ANKFY1: variants seen among roughly 807,000 people sequenced by gnomAD.
ANKFY1 encodes ankyrin repeat and FYVE domain containing 1, also known as ankyrin repeat and FYVE domain-containing protein 1.
Under a neutral mutation model 128.3 loss-of-function variants are expected in ANKFY1, and 47 were observed. The observed-to-expected ratio is 0.37, with a 90% CI of 0.29 to 0.47. The LOEUF is 0.47. ANKFY1 is among the 20% of genes least tolerant of loss of function. ANKFY1 has a pLI of 1.00. For synonymous variants in ANKFY1, 553 were observed against 601.6 expected, an observed-to-expected ratio of 0.92 and a Z score of 1.18; for missense variants, 1,222 against 1,510.6, an observed-to-expected ratio of 0.81 and a Z score of 3.17.
In ANKFY1 at chr17:4,183,518, G is replaced by A. The variant is rs775302854; in HGVS notation, c.1832C>T (p.Ser611Phe). The A allele has an allele frequency of 1.9e-6, 3 of 1,612,804 alleles. No individual in the cohort carries two copies. The highest frequency in any genetic ancestry group is 1.7e-5 in the Admixed American group (1 of 60,026). The change falls in exon 14 of 25, where the codon TCT becomes TTT. Residue 611 changes from serine (S) to phenylalanine (F), a missense_variant. By Grantham distance (155) the Ser-to-Phe change is radical. Transcript: ENST00000341657. ...CATGGTGTCATTGATGGCGGCTCCA[G>A]AGCCCAGCAGCTGGGCTGCGATCGT... is the stretch of plus-strand genomic sequence containing the variant. ...MHTIAAQLLG[S>F]GAAINDTMSD...
chr17:4,173,974 G>A lies in ANKFY1; in HGVS notation c.2858C>T (p.Thr953Ile). The stretch of plus-strand genomic sequence containing the variant: ...ATTCTCTAGGAGGACTGAGCAGATG[G>A]TGGGCAGGTCCTGCTGGGCAGCAAG... ...LHLAAQQDLP[T>I]ICSVLLENGV... The change falls in exon 20 of 25, where the codon ACC (threonine) becomes ATC (isoleucine). Residue 953 changes from threonine (T) to isoleucine (I), a missense_variant. Transcript: ENST00000341657. 1 of 1,614,228 alleles carries A rather than the reference G, an allele frequency of 6.2e-7. No individual in the cohort carries two copies. Among genetic ancestry groups the A allele is most frequent in the Non-Finnish European group, 8.5e-7 (1 of 1,180,014 alleles).
intron 22 of ANKFY1, among the ~76,000 whole-genome samples, chr17:4,171,538 G>A (rs2143000074): frequency 6.6e-6 from 1 of 152,270 alleles, no homozygotes. Flanking sequence ...GGCCTATGAG[G>A]GAGAATGCAC....
At chr17:4,253,605 A>C (rs1407725811) in intron 1 of ANKFY1, among the ~76,000 whole-genome samples, 2 of 151,998 alleles carry the variant, frequency 1.3e-5, no homozygotes, top group African/African-American at 4.8e-5. Context: ...CATCGTTATT[A>C]ATCTTCCTAA....
chr17:4,195,857 A>G (rs2059808499), intron 8 of ANKFY1, among the ~76,000 whole-genome samples: 1 of 152,036 alleles, frequency 6.6e-6, no homozygotes, highest in Admixed American at 6.6e-5. Context: ...TTCTTCTCAA[A>G]CACACTCAGA....
chr17:4,184,794 T>C (rs1313674417), intron 12 of ANKFY1, 24 bp downstream of exon 12: 22 of 1,601,980 alleles, frequency 1.4e-5, no homozygotes, highest in Non-Finnish European at 1.9e-5. Flanking sequence ...GTCAAAAGGA[T>C]GGACAGTATT....
intron 7 of ANKFY1, 86 bp downstream of exon 7, chr17:4,206,235 T>C (rs909184253): frequency 2.1e-6 from 3 of 1,462,336 alleles, no homozygotes; most frequent in Non-Finnish European, 2.8e-6. Context: ...CCTTTGAGAA[T>C]TTTGGGAACA....
At chr17:4,249,497 T>C (rs1344394393) in intron 1 of ANKFY1, among the ~76,000 whole-genome samples, 3 of 152,222 alleles carry the variant, frequency 2.0e-5, no homozygotes, top group African/African-American at 7.2e-5. Context: ...TCGACAGGTC[T>C]CAGGTCAGAT....
intron 7 of ANKFY1, among the ~76,000 whole-genome samples, chr17:4,204,677 G>A (rs919264880): frequency 6.6e-6 from 1 of 151,882 alleles, no homozygotes; most frequent in African/African-American, 2.4e-5. Flanking sequence ...TTAACTCCCT[G>A]GGAGGAAAGA....
intron 1 of ANKFY1, among the ~76,000 whole-genome samples, chr17:4,260,645 C>T (rs77545001): frequency 2.1e-5 from 3 of 140,816 alleles, no homozygotes; most frequent in Non-Finnish European, 4.6e-5. Context: ...AAAAAAAACC[C>T]ACAAATGAAG....
rs769670421 is a variant in ANKFY1, at chr17:4,173,325, C to T, written c.3014+29G>A. 37 of 1,605,160 alleles carry T rather than the reference C, an allele frequency of 2.3e-5. No homozygotes were observed. In the East Asian group the frequency reaches 2.5e-4, roughly 11 times the overall value. On this transcript the variant is annotated intron_variant, in intron 21 of 24. Coordinates refer to ENST00000341657, the MANE Select transcript of ANKFY1 (RefSeq NM_001330063.2). ...GCTCTGAGCAGCAGGCCAGGCGCCG[C>T]GGGGCCTACTCGGGCCCAACGCGCT...
chr17:4,222,249 G>A (rs1408642175), intron 3 of ANKFY1: 9 of 447,394 alleles, frequency 2.0e-5, no homozygotes, highest in Non-Finnish European at 3.2e-5. Flanking sequence ...AGCTGCAGTC[G>A]GCGGCCGCGG....
At chr17:4,252,328 A>G (rs1391189087) in intron 1 of ANKFY1, among the ~76,000 whole-genome samples, 1 of 152,202 alleles carries the variant, frequency 6.6e-6, no homozygotes, top group Non-Finnish European at 1.5e-5. Context: ...AAAGTTTGGA[A>G]GGCTGAGGCG....
Position 4,197,535 on chromosome 17 carries a change from A to G in ANKFY1, c.941T>C (p.Phe314Ser). The change falls in exon 8 of 25, where the codon TTT (phenylalanine) becomes TCT (serine). Residue 314 changes from phenylalanine (F) to serine (S), a missense_variant. By Grantham distance (155) the Phe-to-Ser change is radical. Coordinates refer to ENST00000341657, the MANE Select transcript of ANKFY1 (RefSeq NM_001330063.2). ...GGCACCCAGTGTAGCAGCGTTGACA[A>G]AGGCCCCATTCTTAATGAGGAAAGT... ...AATFLIKNGA[F>S]VNAATLGAQE... The G allele has an allele frequency of 6.2e-7, 1 of 1,614,198 alleles. No homozygotes were observed. The highest frequency in any genetic ancestry group is 8.5e-7 in the Non-Finnish European group (1 of 1,180,034).
intron 1 of ANKFY1, among the ~76,000 whole-genome samples, chr17:4,253,889 C>T (rs190874113): frequency 1.7e-4 from 26 of 152,294 alleles, no homozygotes; most frequent in Non-Finnish European, 3.5e-4. Context: ...CCATAAGATA[C>T]TAATATCCTA....
chr17:4,253,486 A>C (rs921487297), intron 1 of ANKFY1, among the ~76,000 whole-genome samples: 1 of 152,192 alleles, frequency 6.6e-6, no homozygotes, highest in Non-Finnish European at 1.5e-5. Context: ...TCTGGGATGT[A>C]CCGTGACATC....
intron 3 of ANKFY1, 39 bp downstream of exon 3, chr17:4,235,733 C>T (rs767363125): frequency 2.7e-5 from 39 of 1,449,668 alleles, no homozygotes; most frequent in Admixed American, 1.5e-4. Flanking sequence ...AGAGCCCTTC[C>T]GCTAGCAGTT....
intron 3 of ANKFY1, among the ~76,000 whole-genome samples, chr17:4,233,016 A>G (rs1479762058): frequency 1.3e-5 from 2 of 152,098 alleles, no homozygotes; most frequent in Admixed American, 1.3e-4. Context: ...AAAAAAAAAA[A>G]GTAGGAATAT....
chr17:4,207,084 C>A (rs2060038690), intron 6 of ANKFY1, among the ~76,000 whole-genome samples: 1 of 152,038 alleles, frequency 6.6e-6, no homozygotes, highest in Non-Finnish European at 1.5e-5. Context: ...GGGACAGTAT[C>A]CCAGATTATC....
At chr17:4,219,384 C>G (rs2060272294) in intron 3 of ANKFY1, among the ~76,000 whole-genome samples, 1 of 152,222 alleles carries the variant, frequency 6.6e-6, no homozygotes. Context: ...ATCTGATTCT[C>G]TGTCCTACCC....
Sources: allele counts gnomAD v4.1 joint callset (sites outside exome capture counted in the v4.1 genomes callset), GRCh38; gene constraint gnomAD v4.1.1; transcripts MANE v1.5; gene names NCBI Gene and HGNC (gene_info 2026-07-23, HGNC 2026-07-21).